EFCAB14: variants seen among roughly 807,000 people sequenced by gnomAD.
EFCAB14 encodes EF-hand calcium binding domain 14, also known as EF-hand calcium-binding domain-containing protein 14.
A neutral mutation model predicts 56.5 loss-of-function variants in EFCAB14; 43 were observed. That is an observed-to-expected ratio of 0.76 (90% confidence interval 0.60 to 0.98). EFCAB14 has a LOEUF of 0.98. Among genes scored for constraint, EFCAB14 ranks in the 50% least tolerant of loss-of-function variants. The pLI, the probability that EFCAB14 is intolerant of heterozygous loss-of-function variation, is 0.00. For missense variants in EFCAB14, 538 were observed against 580.3 expected, an observed-to-expected ratio of 0.93 and a Z score of 0.75; for synonymous variants, 235 against 212.9, an observed-to-expected ratio of 1.10 and a Z score of -0.90.
chr1:46,711,196 C>T (rs1299423804), intron 2 of EFCAB14, among the ~76,000 whole-genome samples: 4 of 152,218 alleles, frequency 2.6e-5, no homozygotes, highest in Non-Finnish European at 5.9e-5. Flanking sequence ...ACATGGTTTA[C>T]AGGAATCTAT....
intron 5 of EFCAB14, among the ~76,000 whole-genome samples, chr1:46,691,500 G>A (rs1676991664): frequency 6.6e-6 from 1 of 152,070 alleles, no homozygotes; most frequent in African/African-American, 2.4e-5. Context: ...AACTTCTGGG[G>A]GTGCTTTGTT....
intron 4 of EFCAB14, among the ~76,000 whole-genome samples, chr1:46,695,863 A>G (rs1028968521): frequency 6.6e-6 from 1 of 152,044 alleles, no homozygotes; most frequent in Non-Finnish European, 1.5e-5. Context: ...AATTTTTTGT[A>G]AAGACGAGGT....
At chr1:46,705,621 G>C (rs540619336) in intron 3 of EFCAB14, among the ~76,000 whole-genome samples, 58 of 152,252 alleles carry the variant, frequency 3.8e-4, no homozygotes, top group Non-Finnish European at 7.1e-4. Flanking sequence ...CCCTGCGATG[G>C]GGGTGGCGTC....
intron 8 of EFCAB14, among the ~76,000 whole-genome samples, chr1:46,686,403 T>C (rs1676882021): frequency 6.6e-6 from 1 of 152,242 alleles, no homozygotes; most frequent in Middle Eastern, 3.2e-3. Flanking sequence ...GTAAAAGTCA[T>C]TTCCTTAGGG....
chr1:46,689,834 C>T lies in EFCAB14; in HGVS notation c.691-143G>A. ...TAAGTATTGCCAGGGAATGTACAGG[C>T]TAACCAGTCTTGTGCTAGGTTCTGA... On this transcript the variant is annotated intron_variant, in intron 5 of 10. Transcript: ENST00000371933. 4.2e-6 allele frequency: 3 copies of T among 720,076 alleles called. No individual in the cohort carries two copies. In the East Asian group the frequency reaches 8.1e-5, roughly 19 times the overall value. 44.6% of individuals were successfully genotyped at this position (720,076 alleles called of 1,614,324 possible). A position where few individuals can be genotyped will look rare whatever the true frequency, so the allele number is the denominator to read the frequency against.
chr1:46,686,723 C>CA, intron 8 of EFCAB14, 61 bp downstream of exon 8: 1 of 1,534,602 alleles, frequency 6.5e-7, no homozygotes, highest in Non-Finnish European at 9.0e-7. Context: ...AGCAGTAGAT[C>CA]AAAAGCACAG....
intron 8 of EFCAB14, among the ~76,000 whole-genome samples, chr1:46,685,597 G>T (rs1676868817): frequency 6.6e-6 from 1 of 152,210 alleles, no homozygotes; most frequent in South Asian, 2.1e-4. Flanking sequence ...ATGTTTGGAT[G>T]AGGTAGGACA....
intron 5 of EFCAB14, among the ~76,000 whole-genome samples, chr1:46,691,288 C>CAGCT (rs10695916): frequency 0.015 from 2,280 of 152,138 alleles, 48 homozygotes; most frequent in African/African-American, 0.051. Context: ...TGACTGGGCT[C>CAGCT]AGCTGGGGGT....
chr1:46,699,509 T>C (rs1677124428), intron 3 of EFCAB14, among the ~76,000 whole-genome samples: 1 of 152,168 alleles, frequency 6.6e-6, no homozygotes, highest in South Asian at 2.1e-4. Context: ...CTGGCATTTG[T>C]TGAATGAATG....
intron 4 of EFCAB14, among the ~76,000 whole-genome samples, chr1:46,694,196 A>C (rs914848231): frequency 6.6e-6 from 1 of 152,212 alleles, no homozygotes; most frequent in African/African-American, 2.4e-5. Flanking sequence ...AAACACCAAA[A>C]GCAATGGCAA....
chr1:46,706,696 G>C (rs1226383842), intron 3 of EFCAB14, among the ~76,000 whole-genome samples: 1 of 152,118 alleles, frequency 6.6e-6, no homozygotes, highest in Non-Finnish European at 1.5e-5. Context: ...TGCAAAAAAG[G>C]GGTGAATACC....
At chr1:46,679,921 C>T (rs1038323936) in intron 10 of EFCAB14, among the ~76,000 whole-genome samples, 1 of 152,068 alleles carries the variant, frequency 6.6e-6, no homozygotes, top group Admixed American at 6.6e-5. Flanking sequence ...ATTACCTAGT[C>T]CAGTGCTCTT....
At chr1:46,712,558 C>T (rs954099981) in intron 2 of EFCAB14, among the ~76,000 whole-genome samples, 1 of 152,104 alleles carries the variant, frequency 6.6e-6, no homozygotes, top group Admixed American at 6.5e-5. Flanking sequence ...AGCAATCCTT[C>T]CTTTCCTTGC....
chr1:46,694,350 A>G (rs964371072), intron 4 of EFCAB14, among the ~76,000 whole-genome samples: 17 of 152,278 alleles, frequency 1.1e-4, no homozygotes, highest in Admixed American at 2.0e-4. Flanking sequence ...GCTAATATCC[A>G]GAATCTACAA....
intron 3 of EFCAB14, among the ~76,000 whole-genome samples, chr1:46,706,075 C>T (rs1677229543): frequency 6.6e-6 from 1 of 152,066 alleles, no homozygotes; most frequent in Admixed American, 6.6e-5. Flanking sequence ...CTTTGTTGCC[C>T]AGGCTGATCT....
intron 3 of EFCAB14, among the ~76,000 whole-genome samples, chr1:46,702,985 T>C (rs964779415): frequency 5.9e-5 from 9 of 152,234 alleles, no homozygotes; most frequent in Admixed American, 6.5e-5. Flanking sequence ...TTTGCACATA[T>C]AGTCAATTCT....
rs1268706114 is a variant in EFCAB14, at chr1:46,677,913, A to C, written c.*548T>G. 1 of 152,740 alleles carries C rather than the reference A, an allele frequency of 6.5e-6. No individual in the cohort carries two copies. The highest frequency in any genetic ancestry group is 1.5e-5 in the Non-Finnish European group (1 of 68,178). The allele number at this position is 152,740 out of a possible 1,614,324, so 9.5% of individuals were successfully genotyped here. ...ATGGATGTAGTTTCAGCTGCCACCT[A>C]CACCAGATCAGCAATTTTTAATAAG... On this transcript the variant is annotated 3_prime_UTR_variant, in exon 11 of 11. Transcript: ENST00000371933.
chr1:46,683,487 A>G, intron 9 of EFCAB14, 62 bp from the exon 10 acceptor site: 3 of 1,532,508 alleles, frequency 2.0e-6, no homozygotes, highest in Non-Finnish European at 1.8e-6. Context: ...TTAAACTAGT[A>G]TCGAAGGTCA....
intron 8 of EFCAB14, among the ~76,000 whole-genome samples, chr1:46,686,281 T>C (rs1216960318): frequency 6.6e-6 from 1 of 152,342 alleles, no homozygotes; most frequent in South Asian, 2.1e-4. Context: ...GGACTATGAA[T>C]ACATAGAGAT....
Sources: gnomAD v4.1 joint callset for allele counts (sites outside exome capture counted in the v4.1 genomes callset) on GRCh38, gnomAD v4.1.1 for gene constraint, MANE v1.5 for transcripts, NCBI Gene and HGNC (gene_info 2026-07-23, HGNC 2026-07-21) for gene names.